CCDC191: variants seen among roughly 807,000 people sequenced by gnomAD.
CCDC191 encodes coiled-coil domain-containing protein 191.
A neutral mutation model predicts 114.0 loss-of-function variants in CCDC191; 99 were observed. The ratio of observed to expected loss-of-function variants is 0.87; its 90% CI spans 0.74 to 1.03. The LOEUF (loss-of-function observed/expected upper bound fraction) is 1.03, where lower values mean the gene tolerates loss of function less well. Among genes scored for constraint, CCDC191 ranks in the 50% least tolerant of loss-of-function variants. The pLI is 0.00. For missense variants in CCDC191, 973 were observed against 1,087.0 expected, an observed-to-expected ratio of 0.90 and a Z score of 1.47; for synonymous variants, 351 against 376.0, an observed-to-expected ratio of 0.93 and a Z score of 0.77.
At position 113,965,115 on chromosome 3, in the gene CCDC191, C is replaced by G; in HGVS notation, c.*40G>C. On this transcript the variant is annotated 3_prime_UTR_variant, in exon 17 of 17. Transcript: ENST00000295878. ...TGGGTGGAGATAACACACATACAGA[C>G]TAGTCGAGCTTCCTGTCCTAAATAT... is the stretch of plus-strand genomic sequence containing the variant. 7.5e-7 allele frequency: 1 copy of G among 1,324,528 alleles called. No homozygotes were observed. Among genetic ancestry groups the G allele is most frequent in the Non-Finnish European group, 1.0e-6 (1 of 954,894 alleles). 82.0% of individuals were successfully genotyped at this position (1,324,528 alleles called of 1,614,324 possible). A position where few individuals can be genotyped will look rare whatever the true frequency, so the allele number is the denominator to read the frequency against.
rs2075919642 is a variant in CCDC191, at chr3:114,004,760, A to T, written c.1869-14T>A. ...GCAACAGGTGAACTAGGGAAAAAAT[A>T]AAGGAAAGGAATTTAGACTACTAAC... On this transcript the variant is annotated splice_polypyrimidine_tract_variant and intron_variant, in intron 10 of 16. Coordinates refer to ENST00000295878, the MANE Select transcript of CCDC191 (RefSeq NM_020817.2). The T allele has an allele frequency of 6.2e-7, 1 of 1,605,468 alleles. No homozygotes were observed. The highest frequency in any genetic ancestry group is 8.5e-7 in the Non-Finnish European group (1 of 1,176,660).
chr3:113,972,942 G>A (rs1940969240), intron 16 of CCDC191, among the ~76,000 whole-genome samples: 1 of 152,030 alleles, frequency 6.6e-6, no homozygotes, highest in African/African-American at 2.4e-5. Context: ...GTCTATGTAT[G>A]TCTTTACAGG....
chr3:113,991,265 C>CG (rs2075555920), intron 13 of CCDC191, among the ~76,000 whole-genome samples: 1 of 142,384 alleles, frequency 7.0e-6, no homozygotes, highest in African/African-American at 2.6e-5. Flanking sequence ...CAAACCCCCC[C>CG]CCCCAAAAAC....
chr3:114,032,915 A>G (rs1334501938), intron 6 of CCDC191, among the ~76,000 whole-genome samples: 1 of 152,228 alleles, frequency 6.6e-6, no homozygotes. Context: ...TATGAATGCC[A>G]TAACAATGTT....
At chr3:114,049,772 C>T (rs2076677519) in intron 2 of CCDC191, among the ~76,000 whole-genome samples, 1 of 152,076 alleles carries the variant, frequency 6.6e-6, no homozygotes, top group Non-Finnish European at 1.5e-5. Context: ...TACATAATCT[C>T]TATATTTGTT....
chr3:113,978,717 T>C, intron 15 of CCDC191, 141 bp downstream of exon 15: 1 of 883,848 alleles, frequency 1.1e-6, no homozygotes, highest in South Asian at 1.8e-5. Flanking sequence ...TTCACATTTA[T>C]TTCAAAGCAG....
chr3:114,048,508 G>T (rs1286887995), intron 2 of CCDC191, among the ~76,000 whole-genome samples: 1 of 152,112 alleles, frequency 6.6e-6, no homozygotes, highest in Non-Finnish European at 1.5e-5. Context: ...CTCCTTGCTT[G>T]TTCCTCCTCA....
intron 9 of CCDC191, among the ~76,000 whole-genome samples, chr3:114,010,157 A>C (rs2076044597): frequency 6.6e-6 from 1 of 152,188 alleles, no homozygotes; most frequent in Admixed American, 6.6e-5. Flanking sequence ...AGAAGGAAAA[A>C]AAAACATGGC....
At chr3:113,978,052 C>T in intron 16 of CCDC191, 134 bp downstream of exon 16, 2 of 905,934 alleles carry the variant, frequency 2.2e-6, no homozygotes, top group Non-Finnish European at 3.4e-6. Context: ...TGAGCCGGGA[C>T]TCCCACCCCT....
At chr3:114,038,202 C>T (rs2076512626) in intron 4 of CCDC191, among the ~76,000 whole-genome samples, 1 of 152,154 alleles carries the variant, frequency 6.6e-6, no homozygotes, top group Admixed American at 6.5e-5. Context: ...TTTCTAATGA[C>T]TAATGTTACT....
chr3:113,997,362 G>C (rs2075749250), intron 13 of CCDC191, among the ~76,000 whole-genome samples: 1 of 152,144 alleles, frequency 6.6e-6, no homozygotes, highest in African/African-American at 2.4e-5. Context: ...AATGATTACA[G>C]ATAGGTGTGT....
chr3:113,978,763 A>T, intron 15 of CCDC191, 95 bp downstream of exon 15: 1 of 1,350,692 alleles, frequency 7.4e-7, no homozygotes, highest in East Asian at 2.3e-5. Context: ...TCTTGAAAAA[A>T]CATAATGACC....
At chr3:114,012,975 C>T (rs769812556) in intron 8 of CCDC191, among the ~76,000 whole-genome samples, 2 of 152,268 alleles carry the variant, frequency 1.3e-5, no homozygotes, top group Middle Eastern at 3.4e-3. Context: ...GTTGGCCAGG[C>T]GCAGTGGCTG....
Position 114,046,746 on chromosome 3 carries a change from G to GA in CCDC191, c.130-15dup, listed in dbSNP as rs755848984. Reference sequence around the variant, plus strand: ...TTTCTCCACTCTCTTCAATATAACAGAAAAAAAAATCCATAAAGATGACAA... The same window carrying GA: ...TTTCTCCACTCTCTTCAATATAACAGAAAAAAAAAATCCATAAAGATGACAA... On this transcript the variant is annotated splice_polypyrimidine_tract_variant and intron_variant, in intron 2 of 16. Coordinates refer to ENST00000295878, the MANE Select transcript of CCDC191 (RefSeq NM_020817.2). The GA allele has an allele frequency of 3.7e-4, 563 of 1,531,364 alleles. No individual in the cohort carries two copies. The highest frequency in any genetic ancestry group is 8.7e-4 in the South Asian group (69 of 79,642). The allele number at this position is 1,531,364 out of a possible 1,614,324, so 94.9% of individuals were successfully genotyped here.
In CCDC191 at chr3:114,010,893, T is replaced by A; in HGVS notation, c.1292A>T (p.Lys431Met). Residue 431 changes from lysine (K) to methionine (M), a missense_variant, in exon 9 of 17, where the codon AAG becomes ATG. Coordinates refer to ENST00000295878, the MANE Select transcript of CCDC191 (RefSeq NM_020817.2). ...TGCCTGCAGCAGTGCATCCATCTTC[T>A]TCCTAGTTTCCTCTTTTGTGAGAGC... ...ELALTKEETR[K>M]KMDALLQAAS... The A allele has an allele frequency of 3.1e-6, 5 of 1,614,140 alleles. No individual in the cohort carries two copies. The highest frequency in any genetic ancestry group is 2.5e-6 in the Non-Finnish European group (3 of 1,179,962).
chr3:114,017,207 C>T (rs891278006), intron 8 of CCDC191, among the ~76,000 whole-genome samples: 11 of 151,860 alleles, frequency 7.2e-5, no homozygotes, highest in Non-Finnish European at 1.6e-4. Context: ...TTGATAATCT[C>T]CAGCCAATCC....
In CCDC191 at chr3:114,018,818, C is replaced by T. The variant is rs1171563514; in HGVS notation, c.1023G>A (p.Arg341=). The T allele has an allele frequency of 2.5e-6, 4 of 1,613,858 alleles. No homozygotes were observed. The highest frequency in any genetic ancestry group is 3.4e-6 in the Non-Finnish European group (4 of 1,179,850). Residue 341 remains arginine, a synonymous_variant, in exon 8 of 17, where the codon AGG becomes AGA. Transcript: ENST00000295878. ...AAWHKLILDH[R]IKLGKAGTLS... is the part of the protein sequence containing the mutation. ...GGGTCCCAGCTTTCCCCAGCTTAAT[C>T]CTATGATCAAGAATCAGCTTGTGCC... is the stretch of plus-strand genomic sequence containing the variant.
intron 1 of CCDC191, chr3:114,053,981 TA>T (rs61004435): frequency 0.012 from 1,880 of 157,182 alleles, 8 homozygotes; most frequent in African/African-American, 0.02. Flanking sequence ...AGCTACTCAT[TA>T]AAAAAAAAAA....
At chr3:114,046,869 T>G (rs546347809) in intron 2 of CCDC191, 137 bp from the exon 3 acceptor site, 1 of 1,384,068 alleles carries the variant, frequency 7.2e-7, no homozygotes, top group East Asian at 2.6e-5. Context: ...GAGAAACTCT[T>G]GAGGTTTAAA....
Sources: allele counts gnomAD v4.1 joint callset (sites outside exome capture counted in the v4.1 genomes callset), GRCh38; gene constraint gnomAD v4.1.1; transcripts MANE v1.5; gene names NCBI Gene and HGNC (gene_info 2026-07-23, HGNC 2026-07-21).